Variants in MAJIN observed in about 807,000 individuals in gnomAD.
MAJIN encodes membrane-anchored junction protein.
In MAJIN, 27 loss-of-function variants were observed where a neutral mutation model predicts 30.2. The ratio of observed to expected loss-of-function variants is 0.89; its 90% CI spans 0.66 to 1.23. MAJIN has a LOEUF of 1.23. Among genes scored for constraint, MAJIN ranks in the 50% most tolerant of loss-of-function variants. MAJIN has a pLI of 0.00. For missense variants in MAJIN, 253 were observed against 260.3 expected, an observed-to-expected ratio of 0.97 and a Z score of 0.19; for synonymous variants, 78 against 91.6, an observed-to-expected ratio of 0.85 and a Z score of 0.85.
intron 3 of MAJIN, among the ~76,000 whole-genome samples, chr11:64,957,310 G>A (rs1415114296): frequency 6.6e-6 from 1 of 151,070 alleles, no homozygotes; most frequent in Non-Finnish European, 1.5e-5. Context: ...AAACTCCTAC[G>A]CTCAAGCAAT....
intron 1 of MAJIN, among the ~76,000 whole-genome samples, chr11:64,968,613 T>G (rs1048598129): frequency 2.7e-4 from 41 of 151,544 alleles, no homozygotes; most frequent in African/African-American, 9.9e-4. Context: ...GGCGGGCGGA[T>G]CATGAGGTCA....
At chr11:64,940,733 C>G in intron 8 of MAJIN, 87 bp from the exon 9 acceptor site, 1 of 1,185,442 alleles carries the variant, frequency 8.4e-7, no homozygotes, top group Non-Finnish European at 1.2e-6. Flanking sequence ...GAACTGATTT[C>G]ATATCAGCAC....
intron 7 of MAJIN, 74 bp downstream of exon 7, chr11:64,947,714 G>A: frequency 6.7e-7 from 1 of 1,487,904 alleles, no homozygotes; most frequent in Non-Finnish European, 9.4e-7. Flanking sequence ...AGGGGAAGAG[G>A]CAAGAGCAGG....
intron 3 of MAJIN, among the ~76,000 whole-genome samples, chr11:64,955,118 CATA>C (rs1461859123): frequency 6.6e-6 from 1 of 152,170 alleles, no homozygotes; most frequent in Non-Finnish European, 1.5e-5. Flanking sequence ...AAACTATTTT[CATA>C]ATAATACTAA....
In MAJIN at chr11:64,939,644, G is replaced by A. The variant is rs201269866; in HGVS notation, c.*1+18C>T. Reference sequence around the variant, plus strand: ...TGAGCTGGATCTCGAGTCTGATGCCGGACAGAAGCTGTCTTACCTTAGAAA... The same window carrying A: ...TGAGCTGGATCTCGAGTCTGATGCCAGACAGAAGCTGTCTTACCTTAGAAA... On this transcript the variant is annotated intron_variant, in intron 10 of 10. Transcript: ENST00000301896. 1.4e-5 allele frequency: 23 copies of A among 1,604,540 alleles called. No individual in the cohort carries two copies. The highest frequency in any genetic ancestry group is 1.1e-4 in the African/African-American group (8 of 74,724).
At chr11:64,949,996 T>C (rs1389736905) in intron 5 of MAJIN, 128 bp from the exon 6 acceptor site, 16 of 1,288,454 alleles carry the variant, frequency 1.2e-5, no homozygotes, top group Non-Finnish European at 1.7e-5. Flanking sequence ...CTACGTCCAT[T>C]TGAGTCTAAA....
intron 6 of MAJIN, among the ~76,000 whole-genome samples, chr11:64,948,602 CAT>C (rs1554970962): frequency 0.022 from 427 of 19,374 alleles, 3 homozygotes; most frequent in East Asian, 0.041. Context: ...CGGGCTACAT[CAT>C]ATATATATAT....
Position 64,947,570 on chromosome 11 carries a change from C to T in MAJIN, c.382-105G>A, listed in dbSNP as rs543579824. On this transcript the variant is annotated intron_variant, in intron 7 of 10. Coordinates refer to ENST00000301896, the MANE Select transcript of MAJIN (RefSeq NM_001037225.3). The stretch of plus-strand genomic sequence containing the variant: ...CCCATCCTTAAACTGCCAAAGGCAA[C>T]TTTTAACACCAGCTTTGCAAGTAAG... The T allele has an allele frequency of 7.2e-4, 853 of 1,181,348 alleles. 2 individuals are homozygous for T. The highest frequency in any genetic ancestry group is 9.7e-4 in the Non-Finnish European group (782 of 808,910). The allele number at this position is 1,181,348 out of a possible 1,614,324, so 73.2% of individuals were successfully genotyped here.
rs117873321 is a variant in MAJIN, at chr11:64,943,868, C to T, written c.474-3222G>A. On this transcript the variant is annotated intron_variant, in intron 8 of 10. Coordinates refer to ENST00000301896, the MANE Select transcript of MAJIN (RefSeq NM_001037225.3). Reference sequence around the variant, plus strand: ...TTTGTTCTCCAGAGCTTCAAGTACTCCTCATGTACTTTCTCATTTCTTTTT... The same window carrying T: ...TTTGTTCTCCAGAGCTTCAAGTACTTCTCATGTACTTTCTCATTTCTTTTT... 8.1e-3 allele frequency among the ~76,000 whole-genome samples: 1,239 copies of T among 152,262 alleles called. 9 individuals carry two copies. The highest frequency in any genetic ancestry group is 0.013 in the Non-Finnish European group (890 of 68,010).
chr11:64,959,136 CAT>C, intron 3 of MAJIN, among the ~76,000 whole-genome samples, 167 bp downstream of exon 3: 1 of 149,510 alleles, frequency 6.7e-6, no homozygotes, highest in East Asian at 2.0e-4. Context: ...TTTAGAAACT[CAT>C]ATGAATAATA....
chr11:64,963,470 T>C (rs1208712570), intron 1 of MAJIN, among the ~76,000 whole-genome samples: 2 of 152,202 alleles, frequency 1.3e-5, no homozygotes, highest in African/African-American at 2.4e-5. Context: ...TGCTACTAAA[T>C]ATGTCTGGTG....
At chr11:64,946,849 G>C (rs1057334447) in intron 8 of MAJIN, among the ~76,000 whole-genome samples, 1 of 152,088 alleles carries the variant, frequency 6.6e-6, no homozygotes, top group Non-Finnish European at 1.5e-5. Context: ...AAATATGTTA[G>C]GGATGTACTC....
chr11:64,952,851 C>T (rs1269362939), intron 4 of MAJIN, among the ~76,000 whole-genome samples: 2 of 152,012 alleles, frequency 1.3e-5, no homozygotes, highest in South Asian at 2.1e-4. Context: ...ACTACAGGTA[C>T]GTGCCACCAC....
At chr11:64,957,308 A>C (rs777604720) in intron 3 of MAJIN, among the ~76,000 whole-genome samples, 3 of 150,754 alleles carry the variant, frequency 2.0e-5, no homozygotes, top group African/African-American at 7.3e-5. Flanking sequence ...TCAAACTCCT[A>C]CGCTCAAGCA....
At chr11:64,959,952 A>T (rs61886139) in intron 2 of MAJIN, 137 bp downstream of exon 2, 3,085 of 153,108 alleles carry the variant, frequency 0.02, 52 homozygotes, top group Non-Finnish European at 0.034. Context: ...CAATGTAGCA[A>T]ATAAGGATGT....
At chr11:64,940,835 C>CTTTTTTTTTTTTTTTTTTTTTTTTT (rs1168979344) in intron 8 of MAJIN, among the ~76,000 whole-genome samples, 189 bp from the exon 9 acceptor site, 47 of 88,558 alleles carry the variant, frequency 5.3e-4, no homozygotes, top group Admixed American at 9.7e-4. Context: ...TTTTTTCTTT[C>CTTTTTTTTTTTTTTTTTTTTTTTTT]TTTTTTTTTT....
intron 1 of MAJIN, among the ~76,000 whole-genome samples, chr11:64,962,471 A>C (rs1945743060): frequency 6.6e-6 from 1 of 152,192 alleles, no homozygotes; most frequent in African/African-American, 2.4e-5. Flanking sequence ...AGTTGATGAG[A>C]TCTTGCTTAT....
chr11:64,963,655 T>C (rs1945761842), intron 1 of MAJIN, among the ~76,000 whole-genome samples: 1 of 152,136 alleles, frequency 6.6e-6, no homozygotes, highest in Admixed American at 6.6e-5. Context: ...CTGGCCAACA[T>C]GGTGAAACCC....
intron 8 of MAJIN, among the ~76,000 whole-genome samples, chr11:64,943,687 C>A (rs190458623): frequency 6.1e-4 from 93 of 152,204 alleles, no homozygotes; most frequent in African/African-American, 2.2e-3. Context: ...TTTCTAAAGC[C>A]AGAATCAGGT....
Sources: allele counts gnomAD v4.1 joint callset (sites outside exome capture counted in the v4.1 genomes callset), GRCh38; gene constraint gnomAD v4.1.1; transcripts MANE v1.5; gene names NCBI Gene and HGNC (gene_info 2026-07-23, HGNC 2026-07-21).